The following AMPD3 variants were observed in gnomAD, a reference collection of about 807,000 sequenced individuals.
AMPD3 encodes the protein AMP deaminase 3.
AMPD3 carries 57 observed loss-of-function variants against 82.3 expected under a neutral mutation model. The ratio of observed to expected loss-of-function variants is 0.69; its 90% confidence interval spans 0.56 to 0.86. The LOEUF is 0.86. Among genes scored for constraint, AMPD3 ranks in the 40% least tolerant of loss-of-function variants. AMPD3 has a pLI of 0.00. For missense variants in AMPD3, 870 were observed against 1,003.8 expected (o/e 0.87, Z 1.80); for synonymous variants, 381 against 394.7 (o/e 0.97, Z 0.41).
At chr11:10,479,718 A>G (rs987453737) in intron 3 of AMPD3, among the ~76,000 whole-genome samples, 1 of 152,266 alleles carries the variant, frequency 6.6e-6, no homozygotes, top group Non-Finnish European at 1.5e-5. Context: ...ATGGTAGTTT[A>G]CAATATACAT....
At chr11:10,470,550 G>A (rs988922622) in intron 2 of AMPD3, among the ~76,000 whole-genome samples, 3 of 152,178 alleles carry the variant, frequency 2.0e-5, no homozygotes, top group Admixed American at 6.5e-5. Context: ...TGACATGATT[G>A]TATATTTAGA....
intron 5 of AMPD3, chr11:10,486,632 C>G: frequency 2.0e-6 from 2 of 985,394 alleles, no homozygotes; most frequent in Non-Finnish European, 2.4e-6. Context: ...CTCCTCTTGT[C>G]GTGAAGCCTC....
intron 10 of AMPD3, chr11:10,499,234 G>GT (rs200124487): frequency 0.025 from 3,888 of 152,818 alleles, 67 homozygotes; most frequent in African/African-American, 0.055. Flanking sequence ...TTTGTTTTTT[G>GT]TTTTTTTTAG....
chr11:10,484,388 C>T, intron 4 of AMPD3: 2 of 985,382 alleles, frequency 2.0e-6, no homozygotes, highest in South Asian at 4.7e-5. Flanking sequence ...TCCCACTGGG[C>T]AGTCCAGGTG....
At chr11:10,461,070 T>C in intron 1 of AMPD3, 1 of 1,173,216 alleles carries the variant, frequency 8.5e-7, no homozygotes, top group Non-Finnish European at 1.1e-6. Context: ...TTGTGCGACC[T>C]TAGCTGTTAA....
Position 10,482,209 on chromosome 11 carries a change from G to C in AMPD3, c.573G>C (p.Pro191=). The C allele has an allele frequency of 6.2e-7, 1 of 1,612,064 alleles. No homozygotes were observed. Among genetic ancestry groups the C allele is most frequent in the Non-Finnish European group, 8.5e-7 (1 of 1,179,370 alleles). The part of the protein sequence containing the change: ...LGHPRADTAP[P]EEGLPDFHPP... Reference sequence around the variant, plus strand: ...ATCCGCGGGCGGATACTGCACCTCCGGAAGAGGGCCTTCCAGGTATGGAGC... The same window carrying C: ...ATCCGCGGGCGGATACTGCACCTCCCGAAGAGGGCCTTCCAGGTATGGAGC... The change falls in exon 4 of 15, where the codon CCG becomes CCC. Residue 191 remains proline (P), a synonymous_variant. Coordinates refer to ENST00000396553, the MANE Select transcript of AMPD3 (RefSeq NM_001025389.2).
rs562151967 is a variant in AMPD3 at position 10,505,541 on chromosome 11, A to G, written c.2128-167A>G. The G allele has an allele frequency of 5.8e-5, 57 of 985,432 alleles. No homozygotes were observed. In the African/African-American group the frequency reaches 9.9e-4, roughly 17 times the overall value. The allele number at this position is 985,432 out of a possible 1,614,324, so 61.0% of individuals were successfully genotyped here. A position where few individuals can be genotyped will look rare whatever the true frequency, so the allele number is the denominator to read the frequency against. ...CAGGGTGACATCCTTGAGGACACAG[A>G]GGCCAGCAGGAATTTTAAGAGTTCT... On this transcript the variant is annotated intron_variant, in intron 14 of 14. Coordinates refer to ENST00000396553, the MANE Select transcript of AMPD3 (RefSeq NM_001025389.2).
chr11:10,500,325 A>T (rs1324099794), intron 11 of AMPD3, 76 bp downstream of exon 11: 2 of 1,519,714 alleles, frequency 1.3e-6, no homozygotes, highest in Non-Finnish European at 1.8e-6. Context: ...ATGCACACAC[A>T]CATGCATGTG....
chr11:10,451,206 T>C (rs1224630555), upstream of AMPD3, among the ~76,000 whole-genome samples: 5 of 152,180 alleles, frequency 3.3e-5, no homozygotes, highest in Non-Finnish European at 7.4e-5. Context: ...CCCTGTCCCC[T>C]GTTCCTGTCC....
At position 10,502,734 on chromosome 11, in the gene AMPD3, AG is replaced by A; in HGVS notation, c.1857del (p.Gln619HisfsTer30). The stretch of plus-strand genomic sequence containing the variant: ...GTTCTTTTGCAGAGTCCGGTATTGC[AG>A]TATCTCTACTACCTTGCTCAGATCC... ...GLLLKKSPVL[Q>X]YLYYLAQIPI... is the part of the protein sequence containing the mutation. On this transcript the variant is annotated frameshift_variant, in exon 13 of 15. Coordinates refer to ENST00000396553, the MANE Select transcript of AMPD3 (RefSeq NM_001025389.2). LOFTEE classifies it high-confidence loss of function. 6.2e-7 allele frequency: 1 copy of A among 1,614,122 alleles called. No homozygotes were observed. The highest frequency in any genetic ancestry group is 2.2e-5 in the East Asian group (1 of 44,872).
intron 2 of AMPD3, among the ~76,000 whole-genome samples, chr11:10,469,745 T>C (rs1223208635): frequency 1.3e-5 from 2 of 152,126 alleles, no homozygotes; most frequent in Non-Finnish European, 2.9e-5. Context: ...TGAACATCGA[T>C]GTAAAAGTCT....
Position 10,489,637 on chromosome 11 carries a change from G to T in AMPD3, c.939+2273G>T, listed in dbSNP as rs560581625. 2.3e-4 allele frequency among the ~76,000 whole-genome samples: 35 copies of T among 151,754 alleles called. No homozygotes were observed. The South Asian group carries it at 4.0e-3, about 17-fold the overall frequency. ...TGGGCGCAGGTCTGCTATGAGTCAG[G>T]TCTGTGCCCGCCCCTGGGTGCTGCC... On this transcript the variant is annotated intron_variant, in intron 6 of 14. Coordinates refer to ENST00000396553, the MANE Select transcript of AMPD3 (RefSeq NM_001025389.2).
At chr11:10,496,116 C>T (rs1395363774) in intron 9 of AMPD3, 1 of 549,976 alleles carries the variant, frequency 1.8e-6, no homozygotes, top group African/African-American at 2.1e-5. Context: ...GGGGTTTCAC[C>T]ATCTTGGCCA....
intron 2 of AMPD3, 135 bp downstream of exon 2, chr11:10,461,875 C>A: frequency 1.2e-6 from 1 of 811,846 alleles, no homozygotes; most frequent in Non-Finnish European, 2.0e-6. Flanking sequence ...TTAACCAAGA[C>A]CACTTAACTC....
intron 4 of AMPD3, 148 bp downstream of exon 4, chr11:10,482,373 G>A: frequency 1.1e-6 from 1 of 951,328 alleles, no homozygotes; most frequent in Non-Finnish European, 1.5e-6. Context: ...ATGTTTGATG[G>A]TTCCCCCAAG....
At chr11:10,460,054 T>C (rs71476871) in intron 1 of AMPD3, among the ~76,000 whole-genome samples, 21,958 of 112,396 alleles carry the variant, frequency 0.2, 2,114 homozygotes, top group Non-Finnish European at 0.27. Context: ...ATATATTATA[T>C]ATAATATATA....
chr11:10,486,884 A>G, intron 5 of AMPD3: 1 of 985,384 alleles, frequency 1.0e-6, no homozygotes, highest in Non-Finnish European at 1.2e-6. Flanking sequence ...CCAGGCATAA[A>G]CCAGTTTAAC....
intron 2 of AMPD3, among the ~76,000 whole-genome samples, chr11:10,466,363 G>A (rs1037995921): frequency 1.3e-5 from 2 of 152,080 alleles, no homozygotes; most frequent in East Asian, 1.9e-4. Context: ...GGGGAGGGTC[G>A]TTGGCCATTG....
chr11:10,473,456 G>A, intron 2 of AMPD3: 9 of 985,276 alleles, frequency 9.1e-6, no homozygotes, highest in Non-Finnish European at 1.1e-5. Flanking sequence ...TAGGCCAGGA[G>A]GGGTTGTGGG....
Sources: allele counts gnomAD v4.1 joint callset (sites outside exome capture counted in the v4.1 genomes callset), GRCh38; gene constraint gnomAD v4.1.1; transcripts MANE v1.5; gene names NCBI Gene and HGNC (gene_info 2026-07-23, HGNC 2026-07-21).